The following TENM2 variants were observed in gnomAD, a reference collection of about 807,000 sequenced individuals.
The protein encoded by TENM2 is teneurin transmembrane protein 2.
In TENM2, 52 loss-of-function variants were observed where a neutral mutation model predicts 245.2. The ratio of observed to expected loss-of-function variants is 0.21; its 90% CI spans 0.17 to 0.27. The LOEUF (loss-of-function observed/expected upper bound fraction) is 0.27. Among genes scored for constraint, TENM2 ranks in the 10% least tolerant of loss-of-function variants. TENM2 has a pLI of 1.00. For synonymous variants in TENM2, 1,363 were observed against 1,438.9 expected, an observed-to-expected ratio of 0.95 and a Z score of 1.19; for missense variants, 3,046 against 3,666.8, an observed-to-expected ratio of 0.83 and a Z score of 4.37.
In TENM2 at chr5:168,247,751, G is replaced by A; in HGVS notation, c.6812G>A (p.Cys2271Tyr). Residue 2271 changes from cysteine (C) to tyrosine (Y), a missense_variant, in exon 27 of 29, where the codon TGC (cysteine) becomes TAC (tyrosine). By Grantham distance (194) the Cys-to-Tyr change is radical. Around this residue, in one of 2 missense-constraint regions of TENM2, gnomAD observed 2,704 missense variants for 3,331.9 expected, o/e 0.81. Transcript: ENST00000518659. The surrounding 1 kb of genome is among the most constrained non-coding windows in gnomAD (Gnocchi z 7.8). Reference sequence around the variant, plus strand: ...AAAATTGACGACGATGGCTATCTGTGCCAGAGAGGGTCTGACATCTTCGAA... The same window carrying A: ...AAAATTGACGACGATGGCTATCTGTACCAGAGAGGGTCTGACATCTTCGAA... 1.2e-6 allele frequency: 2 copies of A among 1,613,924 alleles called. No homozygotes were observed. The highest frequency in any genetic ancestry group is 2.2e-5 in the South Asian group (2 of 91,084).
chr5:167,874,780 C>G (rs1409436363), intron 2 of TENM2, among the ~76,000 whole-genome samples: 6 of 152,204 alleles, frequency 3.9e-5, no homozygotes, highest in African/African-American at 1.2e-4. Context: ...GCAGCAGCCT[C>G]TGTGTGGGAG....
At chr5:167,830,775 T>C (rs1214918832) in intron 2 of TENM2, among the ~76,000 whole-genome samples, 2 of 152,176 alleles carry the variant, frequency 1.3e-5, no homozygotes, top group Non-Finnish European at 2.9e-5. Flanking sequence ...AGAGGGCTTA[T>C]TAAAACACAC....
chr5:168,039,051 G>A (rs955418062), intron 5 of TENM2, among the ~76,000 whole-genome samples: 10 of 152,082 alleles, frequency 6.6e-5, no homozygotes, highest in South Asian at 2.1e-4. Flanking sequence ...GGAGTATCTC[G>A]GGTGTCCTAA....
Position 167,985,786 on chromosome 5 carries a change from T to G in TENM2, c.948-7158T>G, listed in dbSNP as rs144219293. On this transcript the variant is annotated intron_variant, in intron 4 of 28. Coordinates refer to ENST00000518659, the Ensembl canonical transcript of TENM2. ...AAATGGTACTTAGTGTTAAGGAATTTTATGTATTTGTTTGTTTGTTTCTTT... is the reference window on the plus strand; with the variant it reads ...AAATGGTACTTAGTGTTAAGGAATTGTATGTATTTGTTTGTTTGTTTCTTT... 4.6e-5 allele frequency among the ~76,000 whole-genome samples: 7 copies of G among 152,358 alleles called. No homozygotes were observed. In the East Asian group the frequency reaches 1.3e-3, roughly 29 times the overall value.
chr5:167,970,314 T>G (rs993692522), intron 4 of TENM2, among the ~76,000 whole-genome samples: 20 of 152,262 alleles, frequency 1.3e-4, no homozygotes, highest in African/African-American at 4.8e-4. Flanking sequence ...ATTTTAACTT[T>G]TATTAGTCTC....
chr5:167,232,517 C>T, the TENM2 span, among the ~76,000 whole-genome samples: 1 of 152,010 alleles, frequency 6.6e-6, no homozygotes, highest in East Asian at 1.9e-4. Flanking sequence ...GGATTACAGG[C>T]CCCTGCCACT....
the TENM2 span, among the ~76,000 whole-genome samples, chr5:167,050,544 G>A: frequency 2.0e-5 from 3 of 152,274 alleles, no homozygotes; most frequent in African/African-American, 7.2e-5. Context: ...GGTCAGTGAA[G>A]AATAATTGAA....
chr5:167,893,074 C>T (rs1774888187), intron 3 of TENM2, among the ~76,000 whole-genome samples: 1 of 152,102 alleles, frequency 6.6e-6, no homozygotes, highest in Non-Finnish European at 1.5e-5. Context: ...TACCTTTTGG[C>T]TAGGTTTCTT....
At chr5:167,426,703 G>A (rs1365678740) in intron 2 of TENM2, among the ~76,000 whole-genome samples, 5 of 151,988 alleles carry the variant, frequency 3.3e-5, no homozygotes, top group Non-Finnish European at 7.4e-5. Flanking sequence ...TCAAAACATG[G>A]GCTGTTGATA....
the TENM2 span, among the ~76,000 whole-genome samples, chr5:167,017,883 T>C: frequency 2.6e-5 from 4 of 152,182 alleles, no homozygotes; most frequent in African/African-American, 7.2e-5. Flanking sequence ...GTCACGGACA[T>C]GCTGACTTGT....
chr5:167,958,630 C>T (rs1379450701), intron 4 of TENM2, among the ~76,000 whole-genome samples: 1 of 152,126 alleles, frequency 6.6e-6, no homozygotes, highest in Non-Finnish European at 1.5e-5. Flanking sequence ...TTTTTCCTTT[C>T]CATGTTTAGT....
chr5:168,041,618 C>A (rs1241043203), intron 5 of TENM2, among the ~76,000 whole-genome samples: 1 of 152,180 alleles, frequency 6.6e-6, no homozygotes, highest in African/African-American at 2.4e-5. Context: ...CCTGCGAGTG[C>A]CTCTGAACCC....
At chr5:167,218,799 A>G in the TENM2 span, among the ~76,000 whole-genome samples, 1 of 152,224 alleles carries the variant, frequency 6.6e-6, no homozygotes, top group East Asian at 1.9e-4. Context: ...TTCCTTAGGC[A>G]AAACAAGGGT....
chr5:167,272,521 T>C, the TENM2 span, among the ~76,000 whole-genome samples: 1 of 152,188 alleles, frequency 6.6e-6, no homozygotes, highest in Non-Finnish European at 1.5e-5. Flanking sequence ...CCAATAAAAC[T>C]TTTTATTAGA....
intron 1 of TENM2, among the ~76,000 whole-genome samples, chr5:167,304,670 G>A (rs1225582737): frequency 6.6e-6 from 1 of 152,126 alleles, no homozygotes; most frequent in South Asian, 2.1e-4. Context: ...TTTTTTTAAA[G>A]AATTTTAGTA....
At chr5:168,067,818 T>G (rs1362354414) in intron 7 of TENM2, among the ~76,000 whole-genome samples, 1 of 152,108 alleles carries the variant, frequency 6.6e-6, no homozygotes, top group African/African-American at 2.4e-5. Context: ...GGAGCTGAAA[T>G]GTGGAGGCAA....
chr5:168,077,554 T>C (rs558271851), intron 7 of TENM2, among the ~76,000 whole-genome samples: 1 of 152,248 alleles, frequency 6.6e-6, no homozygotes, highest in East Asian at 1.9e-4. Context: ...ATTAGGTATC[T>C]CTCCTAATGC....
At chr5:167,877,664 A>T (rs907546807) in intron 3 of TENM2, among the ~76,000 whole-genome samples, 50 of 152,360 alleles carry the variant, frequency 3.3e-4, no homozygotes, top group African/African-American at 1.1e-3. Flanking sequence ...GTAATTGCTC[A>T]AAATCAGGCT....
At chr5:167,173,706 AGTGTGTGT>A in the TENM2 span, among the ~76,000 whole-genome samples, 10 of 144,336 alleles carry the variant, frequency 6.9e-5, no homozygotes, top group African/African-American at 2.2e-4. Context: ...AGGTGATTTG[AGTGTGTGT>A]GTGTGTGTGT....
Sources: gnomAD v4.1 joint callset for allele counts (sites outside exome capture counted in the v4.1 genomes callset) on GRCh38, gnomAD v4.1.1 for gene constraint, gnomAD v4.1.1 regional missense constraint, Gnocchi (gnomAD v3.1) non-coding constraint, MANE v1.5 for transcripts, NCBI Gene and HGNC (gene_info 2026-07-23, HGNC 2026-07-21) for gene names.